Variants in PADI1 observed in about 807,000 individuals in gnomAD.
The protein encoded by PADI1 is protein-arginine deiminase type-1.
PADI1 carries 65 observed loss-of-function variants against 74.8 expected under a neutral mutation model. That is an observed-to-expected ratio of 0.87 (90% CI 0.71 to 1.07). The LOEUF is 1.07. Among genes scored for constraint, PADI1 ranks in the 50% least tolerant of loss-of-function variants. The probability of loss-of-function intolerance (pLI) is 0.00; values close to 1 mark genes in which losing one functional copy is unlikely to be tolerated. For missense variants in PADI1, 943 were observed against 854.0 expected (o/e 1.10, Z -1.30); for synonymous variants, 371 against 336.2 (o/e 1.10, Z -1.13).
In PADI1 at chr1:17,225,799, A is replaced by G. The variant is rs2072290910; in HGVS notation, c.409-12A>G. On this transcript the variant is annotated splice_polypyrimidine_tract_variant and intron_variant, in intron 4 of 15. Coordinates refer to ENST00000375471, the MANE Select transcript of PADI1 (RefSeq NM_013358.3). ...GGTCCCACTGATCCCAAGGCATCTT[A>G]TTTTGCCACAGAAAACCTGGCGCTG... 6.2e-7 allele frequency: 1 copy of G among 1,609,634 alleles called. No homozygotes were observed. The highest frequency in any genetic ancestry group is 8.5e-7 in the Non-Finnish European group (1 of 1,176,130).
At chr1:17,229,765 C>A (rs2072433640) in intron 8 of PADI1, among the ~76,000 whole-genome samples, 2 of 152,154 alleles carry the variant, frequency 1.3e-5, no homozygotes, top group South Asian at 4.1e-4. Context: ...GATGGGGCTA[C>A]CTGCCCCTCA....
chr1:17,219,539 G>A (rs2072076456), intron 1 of PADI1, among the ~76,000 whole-genome samples: 3 of 152,140 alleles, frequency 2.0e-5, no homozygotes. Context: ...CATTGGATGA[G>A]AGGTCAAGGG....
chr1:17,216,795 A>T (rs539863573), intron 1 of PADI1, among the ~76,000 whole-genome samples: 25 of 152,174 alleles, frequency 1.6e-4, no homozygotes, highest in African/African-American at 6.0e-4. Context: ...GCTTGAACCC[A>T]GGAGGCAGAG....
intron 11 of PADI1, among the ~76,000 whole-genome samples, chr1:17,235,293 G>GTAAGGAAGGAAGGAAGGAGGGAAGGAA (rs2072612112): frequency 1.6e-5 from 1 of 62,828 alleles, no homozygotes; most frequent in African/African-American, 5.9e-5. Flanking sequence ...GAAGGAAGGA[G>GTAAGGAAGGAAGGAAGGAGGGAAGGAA]GGAAGGAAGG....
intron 1 of PADI1, among the ~76,000 whole-genome samples, chr1:17,212,896 G>T (rs186148484): frequency 5.3e-5 from 8 of 152,358 alleles, no homozygotes; most frequent in African/African-American, 7.2e-5. Flanking sequence ...GGGCCAGGGG[G>T]CTGTGGCTTT....
At chr1:17,214,686 C>A (rs1222797269) in intron 1 of PADI1, among the ~76,000 whole-genome samples, 2 of 152,152 alleles carry the variant, frequency 1.3e-5, no homozygotes, top group Non-Finnish European at 2.9e-5. Context: ...GCAATACAGC[C>A]CACTGCAGGG....
intron 6 of PADI1, 51 bp from the exon 7 acceptor site, chr1:17,228,574 C>T (rs2072389054): frequency 1.3e-6 from 2 of 1,589,372 alleles, no homozygotes; most frequent in East Asian, 2.2e-5. Flanking sequence ...CCTGGGCTTG[C>T]AGCCCCTCAC....
At chr1:17,214,994 T>G (rs975803180) in intron 1 of PADI1, among the ~76,000 whole-genome samples, 1 of 152,174 alleles carries the variant, frequency 6.6e-6, no homozygotes, top group African/African-American at 2.4e-5. Flanking sequence ...TACCTGCCGC[T>G]CTTCTGTAGC....
In PADI1 at chr1:17,245,261, G is replaced by A. The variant is rs2072860781; in HGVS notation, c.*1018G>A. 1 of 152,706 alleles carries A rather than the reference G, an allele frequency of 6.5e-6. No homozygotes were observed. The allele number at this position is 152,706 out of a possible 1,614,324, so 9.5% of individuals were successfully genotyped here. ...TTCCCCTTCATTCTGCAGGCAGTGG[G>A]AGGGGAAGGCTTGCCCGGTCTCTCT... On this transcript the variant is annotated 3_prime_UTR_variant, in exon 16 of 16. Coordinates refer to ENST00000375471, the MANE Select transcript of PADI1 (RefSeq NM_013358.3). This position sits in a 1 kb window ranked among gnomAD's most constrained non-coding sequence, Gnocchi z 4.1.
chr1:17,224,971 A>C (rs574498252), intron 4 of PADI1, among the ~76,000 whole-genome samples: 2 of 152,270 alleles, frequency 1.3e-5, no homozygotes, highest in African/African-American at 4.8e-5. Context: ...TGGATCACAA[A>C]GCTTTGAGGA....
In PADI1 at chr1:17,234,351, TC is replaced by T. The variant is rs371021149; in HGVS notation, c.1313+1384del. Among the ~76,000 whole-genome samples, 182 of 152,300 alleles carry T rather than the reference TC, an allele frequency of 1.2e-3. 2 individuals carry two copies. The highest frequency in any genetic ancestry group is 9.1e-3 in the East Asian group (47 of 5,178). On this transcript the variant is annotated intron_variant, in intron 11 of 15. Coordinates refer to ENST00000375471, the MANE Select transcript of PADI1 (RefSeq NM_013358.3). The stretch of plus-strand genomic sequence containing the variant: ...ATCTTTAAAACGGGCCTGATGAAAA[TC>T]CCAGTCCTAGCTACAGAATCAGCAT...
At chr1:17,213,781 C>G (rs12087943) in intron 1 of PADI1, among the ~76,000 whole-genome samples, 2 of 152,188 alleles carry the variant, frequency 1.3e-5, no homozygotes, top group Non-Finnish European at 1.5e-5. Flanking sequence ...AGTGGGTGAA[C>G]CTGCACCTTA....
At chr1:17,220,907 A>C (rs1456101451) in intron 1 of PADI1, among the ~76,000 whole-genome samples, 1 of 152,194 alleles carries the variant, frequency 6.6e-6, no homozygotes, top group African/African-American at 2.4e-5. Context: ...CTGAGTTTGC[A>C]GTGCATCCCC....
chr1:17,205,395 G>A, intron 1 of PADI1, 86 bp downstream of exon 1: 1 of 1,019,998 alleles, frequency 9.8e-7, no homozygotes, highest in Non-Finnish European at 1.5e-6. Flanking sequence ...GACAAGTCAG[G>A]CACGTTGGAA....
In PADI1 at chr1:17,230,661, C is replaced by T. The variant is rs770038921; in HGVS notation, c.1143C>T (p.Phe381=). 8.3e-5 allele frequency: 133 copies of T among 1,606,748 alleles called. No homozygotes were observed. The highest frequency in any genetic ancestry group is 3.3e-4 in the Middle Eastern group (2 of 6,072). ...CCAGGAACAGGGGCCTGAAAGATTTCCCCTATAAGAGGATCCTGGTACGTA... is the reference window on the plus strand; with the variant it reads ...CCAGGAACAGGGGCCTGAAAGATTTTCCCTATAAGAGGATCCTGGTACGTA... ...DSPRNRGLKD[F]PYKRILGPDF... The change falls in exon 10 of 16, where the codon TTC becomes TTT. Residue 381 remains phenylalanine (F), a synonymous_variant. Coordinates refer to ENST00000375471, the MANE Select transcript of PADI1 (RefSeq NM_013358.3).
Position 17,228,769 on chromosome 1 carries a change from C to G in PADI1, c.797C>G (p.Ser266Cys). Reference protein sequence around the residue: ...FPDADFLGLVSLSVSLVDPGT... With the variant: ...FPDADFLGLVCLSVSLVDPGT... ...GATGCCGATTTCCTAGGGCTGGTTTCCCTCAGTGTCAGCCTGGTGGACCCG... is the reference window on the plus strand; with the variant it reads ...GATGCCGATTTCCTAGGGCTGGTTTGCCTCAGTGTCAGCCTGGTGGACCCG... The change falls in exon 7 of 16, where the codon TCC becomes TGC. Residue 266 changes from serine (S) to cysteine (C), a missense_variant. Physicochemically the swap from Ser to Cys is moderately radical, Grantham distance 112 (BLOSUM62 -1). Transcript: ENST00000375471. 1.9e-6 allele frequency: 3 copies of G among 1,614,172 alleles called. No homozygotes were observed. Among genetic ancestry groups the G allele is most frequent in the Non-Finnish European group, 2.5e-6 (3 of 1,180,028 alleles).
rs1174851314 is a variant in PADI1, at chr1:17,237,729, CA to C, written c.1458+272del. On this transcript the variant is annotated intron_variant, in intron 12 of 15. Transcript: ENST00000375471. ...GCACCTACTATGTGCCAGATACTCA[CA>C]TGTTTTAATTCATTTAATCCTCCAA... 2.0e-5 allele frequency among the ~76,000 whole-genome samples: 3 copies of C among 152,242 alleles called. No individual in the cohort carries two copies. The East Asian group carries it at 5.8e-4, about 29-fold the overall frequency.
chr1:17,229,693 TCTC>T (rs947675861), intron 8 of PADI1, among the ~76,000 whole-genome samples: 2 of 152,258 alleles, frequency 1.3e-5, no homozygotes, highest in Middle Eastern at 3.4e-3. Flanking sequence ...AAGAGACTGT[TCTC>T]CTGCTTGCTA....
chr1:17,242,321 T>C (rs1479751299), intron 15 of PADI1, among the ~76,000 whole-genome samples: 1 of 152,236 alleles, frequency 6.6e-6, no homozygotes. Flanking sequence ...AAATGTTCCA[T>C]ATCGGTACAA....
Sources: gnomAD v4.1 joint callset for allele counts (sites outside exome capture counted in the v4.1 genomes callset) on GRCh38, gnomAD v4.1.1 for gene constraint, Gnocchi (gnomAD v3.1) non-coding constraint, MANE v1.5 for transcripts, NCBI Gene and HGNC (gene_info 2026-07-23, HGNC 2026-07-21) for gene names.